The following BCAS3 variants were observed in gnomAD, a reference collection of about 807,000 sequenced individuals.
BCAS3 encodes BCAS3 microtubule associated cell migration factor, also known as BCAS4/BCAS3 fusion.
In BCAS3, 53 loss-of-function variants were observed where a neutral mutation model predicts 116.1. That is an observed-to-expected ratio of 0.46 (90% CI 0.37 to 0.57). The LOEUF (loss-of-function observed/expected upper bound fraction) is 0.57. Among genes scored for constraint, BCAS3 ranks in the 20% least tolerant of loss-of-function variants. The pLI is 0.00. For synonymous variants in BCAS3, 391 were observed against 408.2 expected, an observed-to-expected ratio of 0.96 and a Z score of 0.51; for missense variants, 917 against 1,165.4, an observed-to-expected ratio of 0.79 and a Z score of 3.10.
intron 22 of BCAS3, among the ~76,000 whole-genome samples, chr17:61,142,405 G>C (rs781474550): frequency 1.5e-4 from 23 of 152,166 alleles, no homozygotes; most frequent in Non-Finnish European, 3.4e-4. Context: ...TTTGCATGGA[G>C]GAGTCAGAGA....
intron 16 of BCAS3, among the ~76,000 whole-genome samples, chr17:61,025,155 G>C (rs551732117): frequency 1.3e-5 from 2 of 152,082 alleles, no homozygotes; most frequent in Non-Finnish European, 2.9e-5. Context: ...ATTCAGTTGA[G>C]AGATTGTAGT....
At chr17:61,299,683 C>T (rs916396517) in intron 22 of BCAS3, among the ~76,000 whole-genome samples, 32 of 152,184 alleles carry the variant, frequency 2.1e-4, no homozygotes, top group African/African-American at 7.2e-4. Context: ...AGTTGCTTAC[C>T]TGTGGTCACA....
rs79107568 is a variant in BCAS3, at chr17:61,076,933, A to T, written c.2131-1400A>T. Among the ~76,000 whole-genome samples, 434 of 152,266 alleles carry T rather than the reference A, an allele frequency of 2.9e-3. 12 individuals carry two copies. In the East Asian group the frequency reaches 0.075, roughly 26 times the overall value. The stretch of plus-strand genomic sequence containing the variant: ...CCCTTTTGGACTCACACAGGGCTAC[A>T]CTCTGTGAACCTTTTCAGTTATGTT... On this transcript the variant is annotated intron_variant, in intron 20 of 23. Transcript: ENST00000407086.
chr17:60,849,901 C>T (rs73318687), intron 7 of BCAS3, among the ~76,000 whole-genome samples: 2,221 of 152,270 alleles, frequency 0.015, 60 homozygotes, highest in African/African-American at 0.05. Context: ...GCTGGGACTA[C>T]AGGCGTGCTA....
chr17:61,170,102 C>T (rs751262715), intron 22 of BCAS3, among the ~76,000 whole-genome samples: 2 of 151,942 alleles, frequency 1.3e-5, no homozygotes, highest in Non-Finnish European at 1.5e-5. Flanking sequence ...TGATCTGCCA[C>T]CTAAGCCTCC....
At chr17:61,043,558 G>A (rs1199685546) in intron 19 of BCAS3, among the ~76,000 whole-genome samples, 1 of 152,016 alleles carries the variant, frequency 6.6e-6, no homozygotes, top group Non-Finnish European at 1.5e-5. Flanking sequence ...CCCCATGTCT[G>A]TGTGGGTTTT....
At chr17:61,287,260 C>T (rs1312834396) in intron 22 of BCAS3, among the ~76,000 whole-genome samples, 2 of 151,034 alleles carry the variant, frequency 1.3e-5, no homozygotes, top group East Asian at 3.9e-4. Context: ...AAAAAAAACT[C>T]TATGGAGTTG....
At chr17:61,341,341 G>A (rs1299744476) in intron 22 of BCAS3, among the ~76,000 whole-genome samples, 1 of 152,218 alleles carries the variant, frequency 6.6e-6, no homozygotes, top group Non-Finnish European at 1.5e-5. Flanking sequence ...GAGGACTCCG[G>A]GGCAGGCGGT....
chr17:60,944,022 AG>A (rs2060355970), intron 13 of BCAS3, among the ~76,000 whole-genome samples: 1 of 152,102 alleles, frequency 6.6e-6, no homozygotes, highest in Non-Finnish European at 1.5e-5. Flanking sequence ...TGCTTACTCC[AG>A]AAAAGAAGAA....
At position 61,229,939 on chromosome 17, in the gene BCAS3, A is replaced by G. The variant is rs1041553801; in HGVS notation, c.2426-138388A>G. On this transcript the variant is annotated intron_variant, in intron 22 of 23. Coordinates refer to ENST00000407086, the MANE Select transcript of BCAS3 (RefSeq NM_017679.5). This position sits in a 1 kb window ranked among gnomAD's most constrained non-coding sequence, Gnocchi z 4.4. ...CAGGAGTTCAAGACCAGCCTGGCCAATATAGCAAAATCTGGTCTCTACCGA... is the reference window on the plus strand; with the variant it reads ...CAGGAGTTCAAGACCAGCCTGGCCAGTATAGCAAAATCTGGTCTCTACCGA... Among the ~76,000 whole-genome samples, 8 of 152,210 alleles carry G rather than the reference A, an allele frequency of 5.3e-5. No homozygotes were observed. The highest frequency in any genetic ancestry group is 3.9e-4 in the Admixed American group (6 of 15,286).
chr17:61,295,945 A>G (rs1046661931), intron 22 of BCAS3, among the ~76,000 whole-genome samples: 4 of 143,410 alleles, frequency 2.8e-5, no homozygotes, highest in African/African-American at 1.1e-4. Context: ...ACAGAGCAAG[A>G]CTCCGTCTCA....
intron 5 of BCAS3, among the ~76,000 whole-genome samples, chr17:60,734,230 A>G (rs1394983806): frequency 6.6e-6 from 1 of 152,206 alleles, no homozygotes; most frequent in African/African-American, 2.4e-5. Flanking sequence ...TCTGGGCTCA[A>G]GTGATCCTCC....
At chr17:61,275,288 A>G (rs2050673687) in intron 22 of BCAS3, among the ~76,000 whole-genome samples, 1 of 152,232 alleles carries the variant, frequency 6.6e-6, no homozygotes, top group African/African-American at 2.4e-5. Flanking sequence ...TTAAAACAAT[A>G]CCATTTATAA....
At chr17:61,353,098 C>T (rs1040743197) in intron 22 of BCAS3, among the ~76,000 whole-genome samples, 6 of 152,048 alleles carry the variant, frequency 3.9e-5, no homozygotes, top group African/African-American at 2.4e-5. Context: ...ATAGACAAGC[C>T]GGATGTAACA....
chr17:60,900,186 TAA>T (rs199821853), intron 10 of BCAS3: 38 of 111,580 alleles, frequency 3.4e-4, no homozygotes, highest in Non-Finnish European at 4.4e-4. Context: ...CGCTGTCTCT[TAA>T]AAAAAAAAAA....
chr17:60,826,690 G>A (rs911015170), intron 7 of BCAS3, among the ~76,000 whole-genome samples: 2 of 152,160 alleles, frequency 1.3e-5, no homozygotes, highest in African/African-American at 2.4e-5. Flanking sequence ...TTGCAAAGAG[G>A]TATGTTTTCC....
intron 6 of BCAS3, among the ~76,000 whole-genome samples, chr17:60,805,882 G>A (rs1202338211): frequency 2.2e-5 from 3 of 138,728 alleles, no homozygotes; most frequent in Admixed American, 7.3e-5. Context: ...TTTTTGAGAC[G>A]GAGCCTTGCT....
intron 19 of BCAS3, among the ~76,000 whole-genome samples, chr17:61,052,794 C>T (rs1325862691): frequency 6.7e-6 from 1 of 148,700 alleles, no homozygotes; most frequent in Non-Finnish European, 1.5e-5. Flanking sequence ...TCTTGGCTCA[C>T]TACAACCTCT....
intron 14 of BCAS3, among the ~76,000 whole-genome samples, chr17:60,982,108 G>A (rs925648399): frequency 1.3e-5 from 2 of 152,054 alleles, no homozygotes; most frequent in African/African-American, 4.8e-5. Flanking sequence ...AGAAGGATGT[G>A]TTCCAAGATA....
Sources: gnomAD v4.1 joint callset for allele counts (sites outside exome capture counted in the v4.1 genomes callset) on GRCh38, gnomAD v4.1.1 for gene constraint, Gnocchi (gnomAD v3.1) non-coding constraint, MANE v1.5 for transcripts, NCBI Gene and HGNC (gene_info 2026-07-23, HGNC 2026-07-21) for gene names.